Variants in PDE4DIP observed in about 807,000 individuals in gnomAD.
PDE4DIP encodes the protein myomegalin.
Under a neutral mutation model 221.4 loss-of-function variants are expected in PDE4DIP, and 59 were observed. The ratio of observed to expected loss-of-function variants is 0.27; its 90% CI spans 0.22 to 0.33. The LOEUF (loss-of-function observed/expected upper bound fraction) is 0.33, where lower values mean the gene tolerates loss of function less well. Among genes scored for constraint, PDE4DIP ranks in the 10% least tolerant of loss-of-function variants. The probability of loss-of-function intolerance (pLI) is 1.00; values close to 1 mark genes in which losing one functional copy is unlikely to be tolerated. For synonymous variants in PDE4DIP, 404 were observed against 815.9 expected (o/e 0.50, Z 8.60); for missense variants, 1,036 against 2,154.2 (o/e 0.48, Z 10.28).
At chr1:148,951,734 T>C (rs2053332355) in intron 5 of PDE4DIP, among the ~76,000 whole-genome samples, 1 of 152,310 alleles carries the variant, frequency 6.6e-6, no homozygotes. Context: ...TGCCGGACTC[T>C]TTCTCAGGTG....
chr1:148,965,379 C>G, intron 9 of PDE4DIP, 105 bp from the exon 13 acceptor site: 1 of 757,732 alleles, frequency 1.3e-6, no homozygotes, highest in Non-Finnish European at 2.2e-6. Context: ...ATGGCACCCT[C>G]TGCTCCTCTT....
intron 19 of PDE4DIP, among the ~76,000 whole-genome samples, chr1:148,978,947 T>C (rs2060644211): frequency 6.6e-6 from 1 of 151,876 alleles, no homozygotes; most frequent in South Asian, 2.1e-4. Flanking sequence ...ATACCAATAG[T>C]TATCCCTCAC....
intron 27 of PDE4DIP, chr1:149,006,669 A>G (rs1213986118): frequency 4.9e-5 from 7 of 141,754 alleles, no homozygotes; most frequent in Non-Finnish European, 1.1e-4. Flanking sequence ...AGGGACATAT[A>G]ATTAACACAT....
chr1:148,984,268 C>T (rs2061546345), intron 21 of PDE4DIP: 1 of 152,108 alleles, frequency 6.6e-6, no homozygotes, highest in African/African-American at 2.4e-5. Flanking sequence ...TCCACACCCT[C>T]TTCTCTTCAT....
chr1:148,955,275 C>CA (rs1314608196), intron 5 of PDE4DIP, among the ~76,000 whole-genome samples: 1 of 152,166 alleles, frequency 6.6e-6, no homozygotes, highest in Non-Finnish European at 1.5e-5. Context: ...ATGGTGTTTT[C>CA]ATATTAGGGT....
At chr1:148,973,295 A>G (rs2059551918) in intron 16 of PDE4DIP, among the ~76,000 whole-genome samples, 1 of 151,844 alleles carries the variant, frequency 6.6e-6, no homozygotes, top group South Asian at 2.1e-4. Context: ...ACACCCAGCT[A>G]ATTTTTTTGT....
At position 148,980,128 on chromosome 1, in the gene PDE4DIP, T is replaced by C. The variant is rs182215018; in HGVS notation, c.2687+279T>C. ...AGCTTTTGTGTCTAAAACAATGCCT[T>C]GCATGTAGTAAGCACTCAATGTATG... On this transcript the variant is annotated intron_variant, in intron 20 of 43. Coordinates refer to ENST00000369354, the Ensembl canonical transcript of PDE4DIP. Among the ~76,000 whole-genome samples, 4 of 152,382 alleles carry C rather than the reference T, an allele frequency of 2.6e-5. No individual in the cohort carries two copies. In the East Asian group the frequency reaches 7.7e-4, roughly 29 times the overall value.
At chr1:148,980,264 C>T (rs1341549911) in intron 20 of PDE4DIP, among the ~76,000 whole-genome samples, 2 of 152,104 alleles carry the variant, frequency 1.3e-5, no homozygotes, top group Non-Finnish European at 2.9e-5. Context: ...AGGTAGCGCG[C>T]GCCTGTAGTC....
At chr1:148,979,014 C>T (rs1414227709) in intron 19 of PDE4DIP, among the ~76,000 whole-genome samples, 1 of 150,664 alleles carries the variant, frequency 6.6e-6, no homozygotes, top group Non-Finnish European at 1.5e-5. Context: ...TGCATTTAAC[C>T]ATGTTCAGAT....
At chr1:148,923,691 T>C (rs1480777458) in intron 1 of PDE4DIP, among the ~76,000 whole-genome samples, 1 of 145,244 alleles carries the variant, frequency 6.9e-6, no homozygotes, top group African/African-American at 2.7e-5. Flanking sequence ...GGCAGGATGG[T>C]CTCGATCTCC....
At chr1:148,933,696 C>T (rs1553472667) in intron 4 of PDE4DIP, among the ~76,000 whole-genome samples, 1 of 152,116 alleles carries the variant, frequency 6.6e-6, no homozygotes, top group Non-Finnish European at 1.5e-5. Context: ...CTTTCCAAGA[C>T]ATAAATTTAA....
chr1:148,816,656 CCTT>C (rs1261839921), intron 1 of PDE4DIP, among the ~76,000 whole-genome samples: 1 of 95,466 alleles, frequency 1.0e-5, no homozygotes, highest in African/African-American at 3.4e-5. Flanking sequence ...TTTCTTTAAT[CCTT>C]CTTATTCTTG....
chr1:148,937,707 C>T (rs781818931), intron 4 of PDE4DIP, 40 bp from the exon 8 acceptor site: 3 of 1,054,954 alleles, frequency 2.8e-6, no homozygotes, highest in Non-Finnish European at 3.0e-6. Context: ...ATAATAGTAT[C>T]ATGATCATAA....
At chr1:148,983,506 C>T (rs2061436996) in intron 21 of PDE4DIP, 1 of 152,434 alleles carries the variant, frequency 6.6e-6, no homozygotes, top group South Asian at 2.1e-4. Context: ...TGGAATGAGG[C>T]TTGCAAACAG....
chr1:148,914,836 A>G (rs2043539236), intron 1 of PDE4DIP, among the ~76,000 whole-genome samples: 1 of 111,376 alleles, frequency 9.0e-6, no homozygotes, highest in African/African-American at 3.6e-5. Context: ...TGATAAGGGT[A>G]TGAGGTCCAT....
chr1:148,981,229 A>G, intron 20 of PDE4DIP, 41 bp from the exon 24 acceptor site: 1 of 1,606,188 alleles, frequency 6.2e-7, no homozygotes, highest in South Asian at 1.1e-5. Context: ...ACTACAGTTG[A>G]TGGCTAATCC....
intron 23 of PDE4DIP, among the ~76,000 whole-genome samples, chr1:149,000,168 T>A (rs1487833768): frequency 1.3e-5 from 2 of 152,190 alleles, no homozygotes; most frequent in Non-Finnish European, 2.9e-5. Flanking sequence ...AAATTCAATC[T>A]AGGTGCATAG....
At chr1:148,949,785 C>T (rs1553486185) in intron 5 of PDE4DIP, among the ~76,000 whole-genome samples, 3 of 151,880 alleles carry the variant, frequency 2.0e-5, no homozygotes, top group Non-Finnish European at 2.9e-5. Flanking sequence ...AATTCTAGTA[C>T]AATAGCTTAT....
intron 5 of PDE4DIP, among the ~76,000 whole-genome samples, chr1:148,949,228 T>A (rs782374512): frequency 2.2e-4 from 34 of 151,570 alleles, no homozygotes; most frequent in Non-Finnish European, 8.8e-5. Context: ...TAATACATAA[T>A]GTAAAAAATT....
Sources: gnomAD v4.1 joint callset for allele counts (sites outside exome capture counted in the v4.1 genomes callset) on GRCh38, gnomAD v4.1.1 for gene constraint, MANE v1.5 for transcripts, NCBI Gene and HGNC (gene_info 2026-07-23, HGNC 2026-07-21) for gene names.